Variants in NXN observed in about 807,000 individuals in gnomAD.
The protein encoded by NXN is nucleoredoxin 1.
NXN carries 16 observed loss-of-function variants against 48.6 expected under a neutral mutation model. That is an observed-to-expected ratio of 0.33 (90% CI 0.22 to 0.50). NXN has a LOEUF of 0.50. Among genes scored for constraint, NXN ranks in the 20% least tolerant of loss-of-function variants. The pLI is 0.98. For synonymous variants in NXN, 281 were observed against 269.6 expected, an observed-to-expected ratio of 1.04 and a Z score of -0.41; for missense variants, 492 against 605.5, an observed-to-expected ratio of 0.81 and a Z score of 1.97.
chr17:801,416 T>TC (rs1381319444), intron 7 of NXN, among the ~76,000 whole-genome samples: 1 of 150,760 alleles, frequency 6.6e-6, no homozygotes, highest in Non-Finnish European at 1.5e-5. Flanking sequence ...TTTTAATACG[T>TC]CCTCAGCATT....
At chr17:953,212 T>G (rs1033010973) in intron 1 of NXN, among the ~76,000 whole-genome samples, 1 of 152,092 alleles carries the variant, frequency 6.6e-6, no homozygotes, top group African/African-American at 2.4e-5. Flanking sequence ...GTCAGGAGTT[T>G]GAGACCAGCC....
In NXN at chr17:823,617, G is replaced by T. The variant is rs560878129; in HGVS notation, c.612+15C>A. On this transcript the variant is annotated intron_variant, in intron 3 of 7. Transcript: ENST00000336868. The stretch of plus-strand genomic sequence containing the variant: ...GCTTCCTTCTGTCTGAGCCAAAGGG[G>T]GTCCAAACACTCACCCAATGTGCGG... 1 of 1,613,800 alleles carries T rather than the reference G, an allele frequency of 6.2e-7. No individual in the cohort carries two copies. Among genetic ancestry groups the T allele is most frequent in the South Asian group, 1.1e-5 (1 of 91,036 alleles).
chr17:820,276 A>G (rs968079412), intron 4 of NXN, among the ~76,000 whole-genome samples: 1 of 152,130 alleles, frequency 6.6e-6, no homozygotes, highest in Non-Finnish European at 1.5e-5. Flanking sequence ...ATTTTACAAT[A>G]TATACATTAT....
Position 854,193 on chromosome 17 carries a change from G to A in NXN, c.361-28115C>T, listed in dbSNP as rs531639391. On this transcript the variant is annotated intron_variant, in intron 1 of 7. Transcript: ENST00000336868. The stretch of plus-strand genomic sequence containing the variant: ...GGATTAAACGAATGAATCTGGAATA[G>A]CTGCTTCTAATTCCCGCTTCCCACC... Among the ~76,000 whole-genome samples the A allele has an allele frequency of 6.6e-5, 10 of 152,310 alleles. No individual in the cohort carries two copies. The South Asian group carries it at 2.1e-3, about 32-fold the overall frequency.
intron 3 of NXN, among the ~76,000 whole-genome samples, chr17:823,112 AAGG>A (rs1912903400): frequency 8.1e-6 from 1 of 123,736 alleles, no homozygotes. Context: ...AAAAAAAAAA[AAGG>A]GGGCCAGGCA....
chr17:815,577 T>A (rs12939496), intron 5 of NXN, among the ~76,000 whole-genome samples: 25 of 124,832 alleles, frequency 2.0e-4, no homozygotes, highest in South Asian at 2.0e-3. Flanking sequence ...TTCAGCTGAC[T>A]TCCATCCGTA....
chr17:812,222 TG>T (rs770684839), intron 5 of NXN, among the ~76,000 whole-genome samples: 7 of 152,106 alleles, frequency 4.6e-5, no homozygotes, highest in Admixed American at 1.3e-4. Flanking sequence ...CCACTGCGCG[TG>T]GCCTGGGTTA....
chr17:812,739 T>A (rs910915472), intron 5 of NXN, among the ~76,000 whole-genome samples: 2 of 138,238 alleles, frequency 1.4e-5, no homozygotes, highest in Admixed American at 7.2e-5. Context: ...GAGTGTAGGG[T>A]GCGTGAGTGA....
intron 1 of NXN, among the ~76,000 whole-genome samples, chr17:974,316 A>ACTC (rs1156270310): frequency 6.6e-6 from 1 of 151,838 alleles, no homozygotes; most frequent in African/African-American, 2.4e-5. Context: ...GCACCACTGC[A>ACTC]CTCCAGCCTG....
chr17:890,185 A>C (rs945122396), intron 1 of NXN, among the ~76,000 whole-genome samples: 2 of 152,134 alleles, frequency 1.3e-5, no homozygotes, highest in Non-Finnish European at 2.9e-5. Flanking sequence ...ACAGAAAAAA[A>C]CCAGCAACTC....
chr17:882,558 C>G (rs561174302), intron 1 of NXN, among the ~76,000 whole-genome samples: 5 of 151,964 alleles, frequency 3.3e-5, no homozygotes, highest in African/African-American at 1.2e-4. Flanking sequence ...CTCCGCCTCC[C>G]GGGTTCACGC....
At chr17:885,613 C>G (rs948901561) in intron 1 of NXN, among the ~76,000 whole-genome samples, 2 of 92,362 alleles carry the variant, frequency 2.2e-5, no homozygotes, top group Non-Finnish European at 4.4e-5. Flanking sequence ...CTTTTCTTTG[C>G]GCACACATGC....
intron 1 of NXN, among the ~76,000 whole-genome samples, chr17:888,322 G>A (rs1010093067): frequency 5.9e-5 from 9 of 152,158 alleles, no homozygotes; most frequent in South Asian, 2.1e-4. Context: ...GGGCTCAAGC[G>A]ATCCTCCCAC....
At chr17:802,565 C>T (rs2144558027) in intron 7 of NXN, among the ~76,000 whole-genome samples, 1 of 152,360 alleles carries the variant, frequency 6.6e-6, no homozygotes, top group Middle Eastern at 3.4e-3. Flanking sequence ...TGCTGTGCTG[C>T]AGCCATCTTT....
intron 1 of NXN, among the ~76,000 whole-genome samples, chr17:865,066 T>A (rs532036918): frequency 1.3e-5 from 2 of 152,254 alleles, no homozygotes; most frequent in South Asian, 4.1e-4. Flanking sequence ...TCCACACTGA[T>A]TGAACAGAGG....
rs536661282 is a variant in NXN at position 917,089 on chromosome 17, G to C, written c.360+62230C>G. Reference sequence around the variant, plus strand: ...TGCTGAAGCTACAAATCAAACATCCGCTTTGCCTCCAACAAGATTCCCTGT... The same window carrying C: ...TGCTGAAGCTACAAATCAAACATCCCCTTTGCCTCCAACAAGATTCCCTGT... On this transcript the variant is annotated intron_variant, in intron 1 of 7. Coordinates refer to ENST00000336868, the MANE Select transcript of NXN (RefSeq NM_022463.5). This position sits in a 1 kb window ranked among gnomAD's most constrained non-coding sequence, Gnocchi z 4.5. Among the ~76,000 whole-genome samples, 56 of 151,952 alleles carry C rather than the reference G, an allele frequency of 3.7e-4. 1 individual carries two copies. In the South Asian group the frequency reaches 0.011, roughly 29 times the overall value.
At chr17:943,795 A>C (rs1189711251) in intron 1 of NXN, among the ~76,000 whole-genome samples, 2 of 151,898 alleles carry the variant, frequency 1.3e-5, no homozygotes. Context: ...ACTGCACTCC[A>C]GCCTGAGTGA....
chr17:832,954 G>T (rs1046573961), intron 1 of NXN, among the ~76,000 whole-genome samples: 1 of 152,056 alleles, frequency 6.6e-6, no homozygotes. Context: ...GCAGTGGCGC[G>T]ATCTCAGTTC....
intron 1 of NXN, among the ~76,000 whole-genome samples, chr17:934,592 G>A (rs763697385): frequency 6.6e-5 from 10 of 151,954 alleles, no homozygotes; most frequent in East Asian, 3.9e-4. Flanking sequence ...CCAAATTCTC[G>A]GCCAGGCACA....
Sources: allele counts gnomAD v4.1 joint callset (sites outside exome capture counted in the v4.1 genomes callset), GRCh38; gene constraint gnomAD v4.1.1; non-coding constraint Gnocchi (gnomAD v3.1); transcripts MANE v1.5; gene names NCBI Gene and HGNC (gene_info 2026-07-23, HGNC 2026-07-21).